ZFP64: variants seen among roughly 807,000 people sequenced by gnomAD.
ZFP64 encodes the protein zinc finger protein 64.
ZFP64 carries 14 observed loss-of-function variants against 51.6 expected under a neutral mutation model. The ratio of observed to expected loss-of-function variants is 0.27; its 90% CI spans 0.18 to 0.42. The LOEUF (loss-of-function observed/expected upper bound fraction) is 0.42, where lower values mean the gene tolerates loss of function less well. ZFP64 is among the 10% of genes least tolerant of loss of function. The probability of loss-of-function intolerance (pLI) is 1.00; values close to 1 mark genes in which losing one functional copy is unlikely to be tolerated. For synonymous variants in ZFP64, 375 were observed against 361.4 expected, an observed-to-expected ratio of 1.04 and a Z score of -0.43; for missense variants, 754 against 906.8, an observed-to-expected ratio of 0.83 and a Z score of 2.16.
At chr20:52,129,989 G>A (rs1389319325) in intron 5 of ZFP64, among the ~76,000 whole-genome samples, 2 of 152,004 alleles carry the variant, frequency 1.3e-5, no homozygotes, top group African/African-American at 2.4e-5. Context: ...CCCTGGCCAC[G>A]TTCCTGCTTT....
At chr20:52,167,963 T>A (rs1982419653) in intron 2 of ZFP64, among the ~76,000 whole-genome samples, 1 of 152,238 alleles carries the variant, frequency 6.6e-6, no homozygotes, top group African/African-American at 2.4e-5. Flanking sequence ...TGTGTCATAA[T>A]TTCATATATG....
Position 52,153,130 on chromosome 20 carries a change from G to A in ZFP64, c.1062C>T (p.Ser354=). 1 of 1,614,230 alleles carries A rather than the reference G, an allele frequency of 6.2e-7. No individual in the cohort carries two copies. The highest frequency in any genetic ancestry group is 8.5e-7 in the Non-Finnish European group (1 of 1,180,044). Reference sequence around the variant, plus strand: ...GCTCGTGGATGCGCAGGGCGGCCTTGCTGGAGCAGGAGTAGCTGCATTCCG... The same window carrying A: ...GCTCGTGGATGCGCAGGGCGGCCTTACTGGAGCAGGAGTAGCTGCATTCCG... The part of the protein sequence containing the change: ...KCSECSYSCS[S]KAALRIHERI... The change falls in exon 6 of 6, where the codon AGC becomes AGT. Residue 354 remains serine (S), a synonymous_variant. Coordinates refer to ENST00000216923, the MANE Select transcript of ZFP64 (RefSeq NM_018197.3). This position sits in a 1 kb window ranked among gnomAD's most constrained non-coding sequence, Gnocchi z 5.1.
chr20:52,118,469 T>C (rs1978996041), intron 5 of ZFP64, among the ~76,000 whole-genome samples: 1 of 152,184 alleles, frequency 6.6e-6, no homozygotes, highest in African/African-American at 2.4e-5. Flanking sequence ...TGCCTACTCC[T>C]GAGAAGAATG....
intron 5 of ZFP64, among the ~76,000 whole-genome samples, chr20:52,159,239 G>A (rs1316612232): frequency 6.6e-6 from 1 of 152,150 alleles, no homozygotes; most frequent in Non-Finnish European, 1.5e-5. Flanking sequence ...TTATCTAACT[G>A]ATACACCGAA....
chr20:52,146,109 G>A (rs905002100), intron 5 of ZFP64, among the ~76,000 whole-genome samples: 3 of 150,442 alleles, frequency 2.0e-5, no homozygotes, highest in Non-Finnish European at 4.4e-5. Flanking sequence ...ACAAACATGC[G>A]CATTAGCCTC....
chr20:52,165,382 A>C (rs1982169482), intron 3 of ZFP64: 1 of 454,350 alleles, frequency 2.2e-6, no homozygotes, highest in Admixed American at 2.4e-5. Flanking sequence ...TTTGGGGAAA[A>C]CTATACTTGT....
intron 5 of ZFP64, among the ~76,000 whole-genome samples, chr20:52,103,060 G>A (rs1025569118): frequency 1.3e-5 from 2 of 151,866 alleles, no homozygotes; most frequent in Non-Finnish European, 2.9e-5. Context: ...AGACACCCAG[G>A]AAACCAAAGA....
intron 2 of ZFP64, chr20:52,175,915 C>G (rs1337836270): frequency 2.0e-6 from 2 of 985,092 alleles, no homozygotes; most frequent in East Asian, 2.3e-4. Context: ...AAAATCCACC[C>G]CTTTCACTTA....
intron 7 of ZFP64, among the ~76,000 whole-genome samples, chr20:52,090,257 A>G (rs1348778934): frequency 2.0e-5 from 3 of 152,218 alleles, no homozygotes; most frequent in Non-Finnish European, 4.4e-5. Context: ...AGCTCCTCAG[A>G]ACAGTGGATG....
At chr20:52,161,014 G>C (rs1355083537) in intron 4 of ZFP64, among the ~76,000 whole-genome samples, 2 of 152,114 alleles carry the variant, frequency 1.3e-5, no homozygotes, top group Non-Finnish European at 2.9e-5. Flanking sequence ...GTGAGGGCAG[G>C]TGAGTGAGCA....
intron 5 of ZFP64, chr20:52,098,693 A>G: frequency 2.1e-6 from 3 of 1,443,566 alleles, no homozygotes; most frequent in Non-Finnish European, 2.8e-6. Context: ...ACCTTTCCAG[A>G]AAAAATTTAA....
chr20:52,158,025 T>C lies in ZFP64; in HGVS notation c.763+2098A>G, dbSNP rs193198497. Among the ~76,000 whole-genome samples, 330 of 152,360 alleles carry C rather than the reference T, an allele frequency of 2.2e-3. 1 individual carries two copies. The highest frequency in any genetic ancestry group is 3.6e-3 in the Non-Finnish European group (245 of 68,046). On this transcript the variant is annotated intron_variant, in intron 5 of 5. Transcript: ENST00000216923. Reference sequence around the variant, plus strand: ...CAACCTTTTTTATGGCTGCACAGTATTCCACAGTGTATATGTGCCACATTT... The same window carrying C: ...CAACCTTTTTTATGGCTGCACAGTACTCCACAGTGTATATGTGCCACATTT...
intron 5 of ZFP64, chr20:52,117,772 C>T: frequency 2.4e-6 from 1 of 420,652 alleles, no homozygotes; most frequent in South Asian, 1.7e-5. Flanking sequence ...ATACCATTAT[C>T]ATAAATTACA....
At chr20:52,108,381 A>G (rs1978368714) in intron 5 of ZFP64, among the ~76,000 whole-genome samples, 1 of 152,238 alleles carries the variant, frequency 6.6e-6, no homozygotes, top group Non-Finnish European at 1.5e-5. Context: ...CCAAAAACAA[A>G]GTGAAAATGA....
intron 1 of ZFP64, among the ~76,000 whole-genome samples, chr20:52,188,538 C>T (rs112916056): frequency 0.13 from 19,907 of 150,160 alleles, 2,015 homozygotes; most frequent in African/African-American, 0.28. Flanking sequence ...TGGTCTCGAT[C>T]TCCTGACCTC....
At chr20:52,108,761 A>T (rs956405140) in intron 5 of ZFP64, among the ~76,000 whole-genome samples, 12 of 151,770 alleles carry the variant, frequency 7.9e-5, no homozygotes, top group Non-Finnish European at 1.6e-4. Flanking sequence ...CACCTGCCTC[A>T]GCCTTCCAAA....
chr20:52,093,749 CTG>C (rs2078954658), intron 7 of ZFP64, among the ~76,000 whole-genome samples: 2 of 152,152 alleles, frequency 1.3e-5, no homozygotes, highest in Admixed American at 6.6e-5. Flanking sequence ...TCTGGGACTA[CTG>C]TGCATATTAA....
chr20:52,168,191 A>C (rs1233071784), intron 2 of ZFP64, among the ~76,000 whole-genome samples: 2 of 151,994 alleles, frequency 1.3e-5, no homozygotes, highest in African/African-American at 4.9e-5. Context: ...TATTTGAGTA[A>C]AGCCACAGTT....
At chr20:52,097,331 C>T in intron 7 of ZFP64, 1 of 1,592,540 alleles carries the variant, frequency 6.3e-7, no homozygotes. Context: ...ACATTCACGT[C>T]CCATCTTTCT....
Sources: gnomAD v4.1 joint callset for allele counts (sites outside exome capture counted in the v4.1 genomes callset) on GRCh38, gnomAD v4.1.1 for gene constraint, Gnocchi (gnomAD v3.1) non-coding constraint, MANE v1.5 for transcripts, NCBI Gene and HGNC (gene_info 2026-07-23, HGNC 2026-07-21) for gene names.